ZFHX3: variants seen among roughly 807,000 people sequenced by gnomAD.
ZFHX3 encodes the protein zinc finger homeobox 3.
A neutral mutation model predicts 279.1 loss-of-function variants in ZFHX3; 42 were observed. The ratio of observed to expected loss-of-function variants is 0.15; its 90% CI spans 0.12 to 0.19. The LOEUF is 0.19. Among genes scored for constraint, ZFHX3 ranks in the 10% least tolerant of loss-of-function variants. ZFHX3 has a pLI of 1.00. For missense variants in ZFHX3, 4,981 were observed against 4,754.0 expected (o/e 1.05, Z -1.40); for synonymous variants, 2,293 against 1,957.8 (o/e 1.17, Z -4.52).
At chr16:73,691,827 T>C (rs2053152436) in intron 1 of ZFHX3, among the ~76,000 whole-genome samples, 1 of 152,216 alleles carries the variant, frequency 6.6e-6, no homozygotes, top group Admixed American at 6.5e-5. Flanking sequence ...ATTTTTAAAA[T>C]TTATTGAGAT....
At chr16:72,982,621 C>T (rs80108539) in intron 1 of ZFHX3, among the ~76,000 whole-genome samples, 2,074 of 152,282 alleles carry the variant, frequency 0.014, 50 homozygotes, top group African/African-American at 0.048. Flanking sequence ...TTGAGTTGCT[C>T]CACACAGACC....
intron 2 of ZFHX3, among the ~76,000 whole-genome samples, chr16:73,656,620 T>C (rs887883871): frequency 2.0e-5 from 3 of 152,192 alleles, no homozygotes; most frequent in Non-Finnish European, 2.9e-5. Flanking sequence ...GCCTGTGTTT[T>C]ACATAATTTT....
intron 5 of ZFHX3, chr16:73,143,859 A>G: frequency 2.6e-6 from 3 of 1,142,432 alleles, no homozygotes; most frequent in Non-Finnish European, 3.5e-6. Flanking sequence ...GGACAAAAAC[A>G]CGGTTGGGGA....
chr16:73,097,455 A>T (rs750393162), intron 7 of ZFHX3, among the ~76,000 whole-genome samples: 2 of 152,118 alleles, frequency 1.3e-5, no homozygotes, highest in Non-Finnish European at 2.9e-5. Flanking sequence ...GTAATTTCCC[A>T]TGAATAGCTT....
chr16:73,657,048 T>C (rs186299571), intron 2 of ZFHX3, among the ~76,000 whole-genome samples: 91 of 152,382 alleles, frequency 6.0e-4, no homozygotes, highest in African/African-American at 2.2e-3. Flanking sequence ...AAAGTAATCA[T>C]ATTTTTCCTT....
chr16:73,736,476 C>A (rs890510646), intron 1 of ZFHX3, among the ~76,000 whole-genome samples: 5 of 152,142 alleles, frequency 3.3e-5, no homozygotes, highest in Non-Finnish European at 5.9e-5. Flanking sequence ...AAGCCACCTG[C>A]CACATACAAA....
intron 8 of ZFHX3, chr16:73,092,841 C>G (rs1310673965): frequency 2.1e-6 from 1 of 487,054 alleles, no homozygotes; most frequent in Non-Finnish European, 4.1e-6. Flanking sequence ...ACGGCTCATG[C>G]AGACCCGGAG....
chr16:72,879,981 T>C (rs990291533), intron 4 of ZFHX3, among the ~76,000 whole-genome samples: 5 of 152,162 alleles, frequency 3.3e-5, no homozygotes, highest in African/African-American at 1.2e-4. Flanking sequence ...TCTGACCCCT[T>C]TTCCTGTCCT....
chr16:73,212,207 A>T (rs1478356998), intron 5 of ZFHX3, among the ~76,000 whole-genome samples: 1 of 151,798 alleles, frequency 6.6e-6, no homozygotes, highest in Non-Finnish European at 1.5e-5. Flanking sequence ...CCCTGAGATC[A>T]CAGCTATAAA....
chr16:73,735,501 G>A (rs757705973), intron 1 of ZFHX3, among the ~76,000 whole-genome samples: 84 of 151,836 alleles, frequency 5.5e-4, no homozygotes, highest in Non-Finnish European at 1.9e-4. Context: ...GGAATCATAC[G>A]GTTACAATAA....
intron 7 of ZFHX3, among the ~76,000 whole-genome samples, chr16:73,104,880 G>C (rs1966276652): frequency 6.6e-6 from 1 of 152,026 alleles, no homozygotes; most frequent in Non-Finnish European, 1.5e-5. Flanking sequence ...TCATCATATG[G>C]CTGAATGATC....
At chr16:73,031,768 C>T (rs1366231759) in intron 1 of ZFHX3, among the ~76,000 whole-genome samples, 1 of 152,136 alleles carries the variant, frequency 6.6e-6, no homozygotes, top group Admixed American at 6.5e-5. Context: ...CTCTGCAGGT[C>T]ACCACGGGCC....
In ZFHX3 at chr16:72,797,823, T is replaced by A. The variant is rs1254191528; in HGVS notation, c.4859A>T (p.His1620Leu). The change falls in exon 9 of 10, where the codon CAT becomes CTT. Residue 1620 changes from histidine to leucine, a missense_variant. Physicochemically the swap from His to Leu is moderately conservative, Grantham distance 99. Around this residue, in one of 7 missense-constraint regions of ZFHX3, gnomAD observed 1,751 missense variants for 1,770.0 expected, o/e 0.99. Coordinates refer to ENST00000268489, the MANE Select transcript of ZFHX3 (RefSeq NM_006885.4). ...TLEIHMRSVL[H>L]QTKARAAKLE... ...CTTGGCTGCCCGGGCCTTGGTTTGA[T>A]GTAACACAGACCTCATATGGATCTC... 1 of 1,614,156 alleles carries A rather than the reference T, an allele frequency of 6.2e-7. No individual in the cohort carries two copies.
upstream of ZFHX3, among the ~76,000 whole-genome samples, chr16:73,050,522 T>G (rs1965430374): frequency 6.6e-6 from 1 of 152,206 alleles, no homozygotes; most frequent in Non-Finnish European, 1.5e-5. Flanking sequence ...ACAAGCTGGG[T>G]GTCACCTCTA....
intron 8 of ZFHX3, among the ~76,000 whole-genome samples, chr16:73,079,294 G>A (rs897241546): frequency 2.6e-5 from 4 of 151,816 alleles, no homozygotes; most frequent in Admixed American, 6.6e-5. Flanking sequence ...GGAGGCCAAG[G>A]TGGGCAGATC....
At chr16:72,913,004 T>C (rs2039357434) in intron 3 of ZFHX3, among the ~76,000 whole-genome samples, 1 of 152,240 alleles carries the variant, frequency 6.6e-6, no homozygotes, top group African/African-American at 2.4e-5. Flanking sequence ...ATTACAGGCG[T>C]GAGCCACCAC....
At chr16:73,014,072 T>A (rs996930169) in intron 1 of ZFHX3, among the ~76,000 whole-genome samples, 3 of 151,644 alleles carry the variant, frequency 2.0e-5, no homozygotes, top group Admixed American at 2.0e-4. Flanking sequence ...GAGGACAGAG[T>A]CAGGCAGAAG....
intron 2 of ZFHX3, among the ~76,000 whole-genome samples, chr16:73,501,636 G>A (rs189069317): frequency 3.0e-4 from 46 of 152,332 alleles, no homozygotes; most frequent in Middle Eastern, 6.8e-3. Context: ...TACACGGGAA[G>A]AATTCCGCTG....
chr16:73,221,626 T>A (rs948644163), intron 5 of ZFHX3, among the ~76,000 whole-genome samples: 1 of 152,150 alleles, frequency 6.6e-6, no homozygotes, highest in Non-Finnish European at 1.5e-5. Context: ...GTATGGGAAC[T>A]CCCATCTTCT....
Sources: gnomAD v4.1 joint callset for allele counts (sites outside exome capture counted in the v4.1 genomes callset) on GRCh38, gnomAD v4.1.1 for gene constraint, gnomAD v4.1.1 regional missense constraint, MANE v1.5 for transcripts, NCBI Gene and HGNC (gene_info 2026-07-23, HGNC 2026-07-21) for gene names.